KYAT3: variants seen among roughly 807,000 people sequenced by gnomAD.
KYAT3 encodes kynurenine aminotransferase 3.
In KYAT3, 50 loss-of-function variants were observed where a neutral mutation model predicts 59.0. The ratio of observed to expected loss-of-function variants is 0.85; its 90% confidence interval spans 0.68 to 1.07. The LOEUF (loss-of-function observed/expected upper bound fraction) is 1.07. KYAT3 is among the 50% of genes least tolerant of loss of function. The pLI is 0.00. For synonymous variants in KYAT3, 148 were observed against 177.0 expected, an observed-to-expected ratio of 0.84 and a Z score of 1.30; for missense variants, 497 against 533.3, an observed-to-expected ratio of 0.93 and a Z score of 0.67.
chr1:88,927,234 C>T, the KYAT3 span, among the ~76,000 whole-genome samples: 9 of 151,956 alleles, frequency 5.9e-5, no homozygotes, highest in Non-Finnish European at 4.4e-5. Context: ...AAGGCAAAAA[C>T]GCCCCTAAGA....
chr1:88,958,464 T>TTTGTTACA (rs1290257691), intron 8 of KYAT3, among the ~76,000 whole-genome samples: 1 of 152,208 alleles, frequency 6.6e-6, no homozygotes, highest in African/African-American at 2.4e-5. Context: ...TTTCTCCTGT[T>TTTGTTACA]TTGTTACACC....
At chr1:88,959,691 T>C (rs984493404) in intron 8 of KYAT3, among the ~76,000 whole-genome samples, 3 of 152,052 alleles carry the variant, frequency 2.0e-5, no homozygotes, top group African/African-American at 7.2e-5. Context: ...CCTCCTTATC[T>C]AAGTACATGC....
downstream of KYAT3, among the ~76,000 whole-genome samples, chr1:88,933,002 ACTGT>A (rs1674939438): frequency 6.6e-6 from 1 of 151,984 alleles, no homozygotes; most frequent in Non-Finnish European, 1.5e-5. Context: ...GAAGTATTGC[ACTGT>A]CTATTCCTTC....
the KYAT3 span, chr1:88,923,652 T>A: frequency 0.03 from 5,554 of 187,546 alleles, 275 homozygotes; most frequent in African/African-American, 0.11. Context: ...TCAGAGACCG[T>A]AGAAGAGGAT....
intron 2 of KYAT3, among the ~76,000 whole-genome samples, chr1:88,975,801 G>T (rs1446528147): frequency 6.6e-6 from 1 of 152,144 alleles, no homozygotes; most frequent in Non-Finnish European, 1.5e-5. Context: ...TTGGGAGGCT[G>T]GGGTGGGTGG....
At chr1:88,964,530 G>T in intron 5 of KYAT3, 1 of 297,240 alleles carries the variant, frequency 3.4e-6, no homozygotes, top group South Asian at 3.6e-5. Flanking sequence ...CAAGCCTATG[G>T]TAATAGAAGA....
chr1:88,981,311 T>C (rs1027147457), intron 2 of KYAT3: 11 of 152,230 alleles, frequency 7.2e-5, no homozygotes, highest in South Asian at 2.1e-4. Flanking sequence ...CTACCACTTA[T>C]ATCCATCATT....
chr1:88,961,814 A>C (rs1676156112), intron 6 of KYAT3, among the ~76,000 whole-genome samples: 1 of 152,242 alleles, frequency 6.6e-6, no homozygotes. Context: ...ATATTACTTC[A>C]CAGGAACTAG....
intron 8 of KYAT3, among the ~76,000 whole-genome samples, chr1:88,955,710 C>G: frequency 6.6e-6 from 1 of 152,178 alleles, no homozygotes; most frequent in East Asian, 1.9e-4. Context: ...AAAATGTGAT[C>G]TCACACTAGC....
At chr1:88,930,914 G>C (rs1489392683), downstream of KYAT3, among the ~76,000 whole-genome samples, 2 of 152,058 alleles carry the variant, frequency 1.3e-5, no homozygotes, top group Admixed American at 6.6e-5. Flanking sequence ...AGCCAAAAGA[G>C]CCGCAAGGCA....
At chr1:88,952,044 G>A (rs1570786682) in intron 10 of KYAT3, among the ~76,000 whole-genome samples, 1 of 152,310 alleles carries the variant, frequency 6.6e-6, no homozygotes, top group African/African-American at 2.4e-5. Flanking sequence ...AAGGAACACA[G>A]CAATGCCAGC....
chr1:88,976,213 C>T (rs150279348), intron 2 of KYAT3, among the ~76,000 whole-genome samples: 15,007 of 151,238 alleles, frequency 0.099, 815 homozygotes, highest in Middle Eastern at 0.18. Flanking sequence ...AAAAATTAGC[C>T]GGGTGTGGTG....
At position 88,936,000 on chromosome 1, in the gene KYAT3, G is replaced by GA. The variant is rs998066948; in HGVS notation, c.*182dup. 2.8e-5 allele frequency: 14 copies of GA among 506,126 alleles called. No individual in the cohort carries two copies. The highest frequency in any genetic ancestry group is 1.1e-4 in the South Asian group (3 of 27,646). 31.4% of individuals were successfully genotyped at this position (506,126 alleles called of 1,614,324 possible). ...AAGGTGTGTTAATACATTTCAACTG[G>GA]AAAAAAAAGGTCAGATCCCCCGAAA... is the stretch of plus-strand genomic sequence containing the variant. On this transcript the variant is annotated 3_prime_UTR_variant, in exon 14 of 14. Transcript: ENST00000260508.
chr1:88,976,011 G>A (rs987330484), intron 2 of KYAT3, among the ~76,000 whole-genome samples: 2 of 151,468 alleles, frequency 1.3e-5, no homozygotes, highest in Non-Finnish European at 2.9e-5. Context: ...TCCAGCCTGG[G>A]TGACAGAGCG....
downstream of KYAT3, among the ~76,000 whole-genome samples, chr1:88,932,815 A>T (rs115344789): frequency 4.2e-4 from 64 of 152,192 alleles, no homozygotes; most frequent in Non-Finnish European, 5.0e-4. Flanking sequence ...TTACATATTT[A>T]AAAAAATGGA....
intron 1 of KYAT3, among the ~76,000 whole-genome samples, chr1:88,992,258 GT>G (rs1677850702): frequency 6.6e-6 from 1 of 152,222 alleles, no homozygotes; most frequent in African/African-American, 2.4e-5. Context: ...GATTACAGGG[GT>G]GAGCCTCTTT....
chr1:88,982,953 G>C (rs1184278953), intron 2 of KYAT3: 1 of 1,613,742 alleles, frequency 6.2e-7, no homozygotes, highest in Non-Finnish European at 8.5e-7. Context: ...GGAGCACTAC[G>C]TGAGTTACCA....
At chr1:88,982,560 C>T in intron 2 of KYAT3, 4 of 1,473,740 alleles carry the variant, frequency 2.7e-6, no homozygotes, top group Non-Finnish European at 2.7e-6. Context: ...ACAATTTTTC[C>T]TTTTAGTAGT....
At chr1:88,943,567 C>T (rs912792941) in intron 11 of KYAT3, 144 bp from the exon 12 acceptor site, 5 of 616,242 alleles carry the variant, frequency 8.1e-6, no homozygotes, top group Non-Finnish European at 8.7e-6. Context: ...ACAGAATATG[C>T]TGGAGTCTCA....
Sources: gnomAD v4.1 joint callset for allele counts (sites outside exome capture counted in the v4.1 genomes callset) on GRCh38, gnomAD v4.1.1 for gene constraint, MANE v1.5 for transcripts, NCBI Gene and HGNC (gene_info 2026-07-23, HGNC 2026-07-21) for gene names.